Variants in CFAP221 observed in about 807,000 individuals in gnomAD.
CFAP221 encodes cilia- and flagella-associated protein 221.
In CFAP221, 97 loss-of-function variants were observed where a neutral mutation model predicts 113.1. The observed-to-expected ratio is 0.86, with a 90% CI of 0.73 to 1.02. CFAP221 has a LOEUF of 1.02. Among genes scored for constraint, CFAP221 ranks in the 50% least tolerant of loss-of-function variants. The probability of loss-of-function intolerance (pLI) is 0.00; values close to 1 mark genes in which losing one functional copy is unlikely to be tolerated. For synonymous variants in CFAP221, 331 were observed against 354.4 expected (o/e 0.93, Z 0.74); for missense variants, 1,025 against 1,013.4 (o/e 1.01, Z -0.16).
Position 119,572,516 on chromosome 2 carries a change from T to C in CFAP221, c.527+10402T>C, listed in dbSNP as rs552326945. The C allele has an allele frequency of 1.2e-5, 8 of 693,176 alleles. No individual in the cohort carries two copies. In the African/African-American group the frequency reaches 1.2e-4, roughly 11 times the overall value. The allele number at this position is 693,176 out of a possible 1,614,324, so 42.9% of individuals were successfully genotyped here. The stretch of plus-strand genomic sequence containing the variant: ...ATTCCCATGGTTCTAAAAAGATTCA[T>C]GTTAATTCATCATGCTCTGTAGTTT... On this transcript the variant is annotated intron_variant, in intron 6 of 23. Coordinates refer to ENST00000413369, the MANE Select transcript of CFAP221 (RefSeq NM_001271049.2).
rs7585661 is a variant in CFAP221, at chr2:119,614,324, T to C, written c.1312-1287T>C. Among the ~76,000 whole-genome samples, 565 of 152,338 alleles carry C rather than the reference T, an allele frequency of 3.7e-3. 7 individuals carry two copies. The highest frequency in any genetic ancestry group is 0.013 in the African/African-American group (531 of 41,574). ...AGTTCCAAAGTTGCTTCCACATTTTTGAGTATTTTTATAGTAGCACCCCAC... is the reference window on the plus strand; with the variant it reads ...AGTTCCAAAGTTGCTTCCACATTTTCGAGTATTTTTATAGTAGCACCCCAC... On this transcript the variant is annotated intron_variant, in intron 13 of 23. Coordinates refer to ENST00000413369, the MANE Select transcript of CFAP221 (RefSeq NM_001271049.2).
At chr2:119,642,455 G>C (rs572156718) in intron 21 of CFAP221, among the ~76,000 whole-genome samples, 1 of 151,836 alleles carries the variant, frequency 6.6e-6, no homozygotes, top group Non-Finnish European at 1.5e-5. Context: ...GTCTGGTGAG[G>C]GCCAGCTTCC....
chr2:119,600,978 TATAAC>T (rs1684325085), intron 7 of CFAP221, among the ~76,000 whole-genome samples: 1 of 152,250 alleles, frequency 6.6e-6, no homozygotes, highest in Non-Finnish European at 1.5e-5. Flanking sequence ...AAATAATACA[TATAAC>T]ATATACAATA....
In CFAP221 at chr2:119,579,594, T is replaced by A. The variant is rs577623207; in HGVS notation, c.528-7525T>A. On this transcript the variant is annotated intron_variant, in intron 6 of 23. Transcript: ENST00000413369. ...CAATTCCACTGAAAACTGTACTACT[T>A]GCACTGCTATATCTGCTTCTGAATT... is the stretch of plus-strand genomic sequence containing the variant. 8.5e-5 allele frequency among the ~76,000 whole-genome samples: 13 copies of A among 152,308 alleles called. No individual in the cohort carries two copies. The East Asian group carries it at 2.5e-3, about 29-fold the overall frequency.
intron 7 of CFAP221, among the ~76,000 whole-genome samples, chr2:119,596,464 G>C (rs4438491): frequency 0.93 from 142,317 of 152,286 alleles, 67,029 homozygotes; most frequent in South Asian, 0.99. Context: ...CCTGGCCTGG[G>C]ATCCTCCCCA....
intron 23 of CFAP221, among the ~76,000 whole-genome samples, chr2:119,653,795 A>G (rs1688270049): frequency 1.3e-5 from 2 of 152,242 alleles, no homozygotes; most frequent in African/African-American, 2.4e-5. Flanking sequence ...TGCCCTGGAC[A>G]ACATGGAATA....
chr2:119,658,389 C>T (rs1422571117), downstream of CFAP221, among the ~76,000 whole-genome samples: 1 of 152,148 alleles, frequency 6.6e-6, no homozygotes, highest in Non-Finnish European at 1.5e-5. Context: ...ACATCTTTAC[C>T]TTCCAGCATC....
At chr2:119,629,614 A>C (rs1369949345) in intron 16 of CFAP221, among the ~76,000 whole-genome samples, 1 of 152,184 alleles carries the variant, frequency 6.6e-6, no homozygotes, top group African/African-American at 2.4e-5. Flanking sequence ...GAGTCCTTCA[A>C]GCCTGAGGAA....
intron 1 of CFAP221, among the ~76,000 whole-genome samples, 184 bp downstream of exon 1, chr2:119,544,694 G>A (rs940472194): frequency 6.6e-6 from 1 of 152,196 alleles, no homozygotes; most frequent in Non-Finnish European, 1.5e-5. Context: ...GCGCGGGCCT[G>A]GGGCGACCCT....
intron 14 of CFAP221, among the ~76,000 whole-genome samples, chr2:119,616,102 G>A (rs1685508156): frequency 6.6e-6 from 1 of 152,144 alleles, no homozygotes; most frequent in South Asian, 2.1e-4. Flanking sequence ...ACACATAATA[G>A]TTGTACATAT....
At chr2:119,554,815 C>G (rs545075236) in intron 3 of CFAP221, among the ~76,000 whole-genome samples, 1 of 152,130 alleles carries the variant, frequency 6.6e-6, no homozygotes, top group Non-Finnish European at 1.5e-5. Flanking sequence ...TAAAATAAAA[C>G]GCTTTAAAGA....
chr2:119,603,040 A>T (rs1031896611), intron 8 of CFAP221, among the ~76,000 whole-genome samples: 5 of 152,188 alleles, frequency 3.3e-5, no homozygotes, highest in Non-Finnish European at 5.9e-5. Context: ...ATATTATAAC[A>T]TATAAATTCT....
intron 7 of CFAP221, among the ~76,000 whole-genome samples, chr2:119,593,101 G>A (rs1683706891): frequency 6.6e-6 from 1 of 152,178 alleles, no homozygotes; most frequent in Admixed American, 6.5e-5. Flanking sequence ...AATTATGTGT[G>A]TATGTTGGTT....
chr2:119,628,291 GGGGGTGT>G (rs1558976729), intron 16 of CFAP221, among the ~76,000 whole-genome samples: 2 of 13,640 alleles, frequency 1.5e-4, no homozygotes, highest in African/African-American at 2.4e-4. Context: ...TCTCTCTCTG[GGGGGTGT>G]GTGTGTGTGT....
intron 6 of CFAP221, among the ~76,000 whole-genome samples, chr2:119,565,974 C>T (rs898093720): frequency 2.0e-5 from 3 of 152,190 alleles, no homozygotes; most frequent in Non-Finnish European, 4.4e-5. Flanking sequence ...CTTCCATGTG[C>T]CAGGCACAGT....
chr2:119,641,653 G>C (rs1470743604), intron 21 of CFAP221, among the ~76,000 whole-genome samples: 2 of 152,166 alleles, frequency 1.3e-5, no homozygotes, highest in East Asian at 3.9e-4. Flanking sequence ...ATGATCTTGT[G>C]AAGCATCTAG....
At chr2:119,550,734 TTTA>T (rs538269368) in intron 3 of CFAP221, among the ~76,000 whole-genome samples, 318 of 152,374 alleles carry the variant, frequency 2.1e-3, no homozygotes, top group African/African-American at 7.4e-3. Flanking sequence ...TTCTTACTGC[TTTA>T]TTGAGTGATC....
chr2:119,628,898 C>T (rs2104758059), intron 16 of CFAP221, among the ~76,000 whole-genome samples: 1 of 152,314 alleles, frequency 6.6e-6, no homozygotes, highest in East Asian at 1.9e-4. Flanking sequence ...AAGAGATCCT[C>T]ACTGTGCAGT....
At chr2:119,564,529 C>T (rs1681486476) in intron 6 of CFAP221, among the ~76,000 whole-genome samples, 1 of 152,132 alleles carries the variant, frequency 6.6e-6, no homozygotes, top group African/African-American at 2.4e-5. Flanking sequence ...TAACCATTCC[C>T]TGGGTTTACT....
Sources: gnomAD v4.1 joint callset for allele counts (sites outside exome capture counted in the v4.1 genomes callset) on GRCh38, gnomAD v4.1.1 for gene constraint, MANE v1.5 for transcripts, NCBI Gene and HGNC (gene_info 2026-07-23, HGNC 2026-07-21) for gene names.